CIST1: variants seen among roughly 807,000 people sequenced by gnomAD.
The protein encoded by CIST1 is uncharacterized LOC729966.
the CIST1 span, chr19:18,249,991 ATGTTTTCACACGAGTCCATAACTCG>A: frequency 5.0e-5 from 20 of 397,368 alleles, no homozygotes; most frequent in African/African-American, 3.7e-4. Flanking sequence ...TGCTCAGTTA[ATGTTTTCACACGAGTCCATAACTCG>A]TGTTTTCACA....
At chr19:18,252,066 G>C in the CIST1 span, 1 of 398,856 alleles carries the variant, frequency 2.5e-6, no homozygotes, top group Non-Finnish European at 4.4e-6. Flanking sequence ...ATACTCACCT[G>C]GGCCAGGGGG....
chr19:18,251,650 G>C, the CIST1 span, among the ~76,000 whole-genome samples: 2 of 110,072 alleles, frequency 1.8e-5, no homozygotes, highest in Non-Finnish European at 3.9e-5. Context: ...GGCCAGGCTG[G>C]TCTTGAACTC....
At chr19:18,253,746 C>G in the CIST1 span, among the ~76,000 whole-genome samples, 2 of 152,164 alleles carry the variant, frequency 1.3e-5, no homozygotes, top group Non-Finnish European at 2.9e-5. Flanking sequence ...ACCCACCCTT[C>G]TACGTGTTGG....
chr19:18,252,342 G>A, the CIST1 span: 1 of 399,142 alleles, frequency 2.5e-6, no homozygotes, highest in Non-Finnish European at 4.4e-6. Flanking sequence ...TATGGAGTCT[G>A]TCTCCAAACT....
the CIST1 span, among the ~76,000 whole-genome samples, chr19:18,251,676 A>ACCCCCCCCCCCCCCCCCCCCC: frequency 4.2e-5 from 1 of 23,566 alleles, no homozygotes; most frequent in African/African-American, 1.1e-4. Flanking sequence ...CTCGTGATAC[A>ACCCCCCCCCCCCCCCCCCCCC]CGCCCCCCCC....
the CIST1 span, among the ~76,000 whole-genome samples, chr19:18,254,083 G>A: frequency 2.6e-5 from 4 of 152,220 alleles, no homozygotes; most frequent in African/African-American, 9.6e-5. Flanking sequence ...CTGTGGGGAT[G>A]ACGGCTGAGT....
At chr19:18,250,698 C>T in the CIST1 span, among the ~76,000 whole-genome samples, 1 of 152,102 alleles carries the variant, frequency 6.6e-6, no homozygotes. Flanking sequence ...CCTCTATCTC[C>T]TGGGCTCAAG....
the CIST1 span, chr19:18,252,595 T>TCC: frequency 2.5e-6 from 1 of 392,712 alleles, no homozygotes; most frequent in Non-Finnish European, 4.4e-6. Context: ...CGAGACCCTC[T>TCC]CTCTCTCTCT....
At chr19:18,252,992 G>A in the CIST1 span, among the ~76,000 whole-genome samples, 1,036 of 152,276 alleles carry the variant, frequency 6.8e-3, 9 homozygotes, top group Non-Finnish European at 0.012. Flanking sequence ...TGAGCTCTCA[G>A]TGGGAAACTG....
At chr19:18,255,162 C>T in the CIST1 span, 6 of 397,890 alleles carry the variant, frequency 1.5e-5, no homozygotes, top group Non-Finnish European at 2.7e-5. This position sits in a 1 kb window ranked among gnomAD's most constrained non-coding sequence, Gnocchi z 4.6. Flanking sequence ...CTGGGCTGTG[C>T]GTCCCCCACC....
At chr19:18,254,669 T>C in the CIST1 span, among the ~76,000 whole-genome samples, 3 of 152,052 alleles carry the variant, frequency 2.0e-5, no homozygotes, top group Admixed American at 2.0e-4. Context: ...GTCTGTGGGG[T>C]AGGACACCGG....
chr19:18,252,198 G>T, the CIST1 span: 6,319 of 399,084 alleles, frequency 0.016, 378 homozygotes, highest in African/African-American at 0.12. Flanking sequence ...GGTGAGCTCT[G>T]CACTGGGGGA....
At chr19:18,253,083 T>G in the CIST1 span, among the ~76,000 whole-genome samples, 4 of 152,212 alleles carry the variant, frequency 2.6e-5, no homozygotes, top group Non-Finnish European at 5.9e-5. Flanking sequence ...CCAGTCCTCT[T>G]GGCTGAGAGC....
At chr19:18,254,189 G>A in the CIST1 span, among the ~76,000 whole-genome samples, 5 of 152,182 alleles carry the variant, frequency 3.3e-5, no homozygotes, top group Admixed American at 6.5e-5. Flanking sequence ...TGAGGTGACT[G>A]GGGAGCTGGG....
the CIST1 span, among the ~76,000 whole-genome samples, chr19:18,250,773 A>ATTTTTTT: frequency 8.0e-6 from 1 of 124,656 alleles, no homozygotes; most frequent in East Asian, 2.3e-4. Context: ...TGCCTGGACA[A>ATTTTTTT]TTTTTTTTTT....
the CIST1 span, chr19:18,252,024 C>T: frequency 1.0e-5 from 4 of 398,582 alleles, no homozygotes; most frequent in Non-Finnish European, 1.3e-5. Flanking sequence ...CTGTTACACC[C>T]GCCACCTCCC....
At chr19:18,251,909 C>A in the CIST1 span, among the ~76,000 whole-genome samples, 2 of 151,982 alleles carry the variant, frequency 1.3e-5, no homozygotes, top group East Asian at 3.9e-4. Flanking sequence ...TTAATAAATG[C>A]GCATAGCATG....
chr19:18,252,207 G>C, the CIST1 span: 3 of 399,028 alleles, frequency 7.5e-6, no homozygotes, highest in African/African-American at 2.1e-5. Flanking sequence ...TGCACTGGGG[G>C]AGCCAGAACT....
At chr19:18,252,693 C>G in the CIST1 span, among the ~76,000 whole-genome samples, 6 of 152,026 alleles carry the variant, frequency 3.9e-5, no homozygotes, top group Non-Finnish European at 7.4e-5. Context: ...TCTCAGCTCA[C>G]TGCAACCTCC....
Sources: gnomAD v4.1 joint callset for allele counts (sites outside exome capture counted in the v4.1 genomes callset) on GRCh38, gnomAD v4.1.1 for gene constraint, Gnocchi (gnomAD v3.1) non-coding constraint, MANE v1.5 for transcripts, NCBI Gene and HGNC (gene_info 2026-07-23, HGNC 2026-07-21) for gene names.